Variants in LMNB2 observed in about 807,000 individuals in gnomAD.
LMNB2 encodes the protein lamin-B2.
LMNB2 carries 17 observed loss-of-function variants against 69.3 expected under a neutral mutation model. The observed-to-expected ratio is 0.25, with a 90% CI of 0.17 to 0.37. LMNB2 has a LOEUF of 0.37. LMNB2 is among the 10% of genes least tolerant of loss of function. LMNB2 has a pLI of 1.00. For synonymous variants in LMNB2, 397 were observed against 389.3 expected, an observed-to-expected ratio of 1.02 and a Z score of -0.23; for missense variants, 789 against 883.6, an observed-to-expected ratio of 0.89 and a Z score of 1.36.
In LMNB2 at chr19:2,430,444, A is replaced by T; in HGVS notation, c.*467T>A. The T allele has an allele frequency of 3.9e-6, 1 of 256,886 alleles. No individual in the cohort carries two copies. The highest frequency in any genetic ancestry group is 4.3e-5 in the South Asian group (1 of 23,306). The allele number at this position is 256,886 out of a possible 1,614,324, so 15.9% of individuals were successfully genotyped here. A position where few individuals can be genotyped will look rare whatever the true frequency, so the allele number is the denominator to read the frequency against. On this transcript the variant is annotated 3_prime_UTR_variant, in exon 12 of 12. Coordinates refer to ENST00000325327, the MANE Select transcript of LMNB2 (RefSeq NM_032737.4). ...CGCTGTCCGAAGCTGGGCAGCCAGA[A>T]TGCAGGCTTGGCCCCGGGCCCCACC... is the stretch of plus-strand genomic sequence containing the variant.
In LMNB2 at chr19:2,430,784, C is replaced by G. The variant is rs373147642; in HGVS notation, c.*127G>C. 37 of 778,232 alleles carry G rather than the reference C, an allele frequency of 4.8e-5. No individual in the cohort carries two copies. The highest frequency in any genetic ancestry group is 4.6e-4 in the East Asian group (18 of 39,270). The allele number at this position is 778,232 out of a possible 1,614,324, so 48.2% of individuals were successfully genotyped here. ...GGAGGGAGGGCTGGGGGAGACCCACCCACACGTTCTGGCAGTTCGCTTAGA... is the reference window on the plus strand; with the variant it reads ...GGAGGGAGGGCTGGGGGAGACCCACGCACACGTTCTGGCAGTTCGCTTAGA... On this transcript the variant is annotated 3_prime_UTR_variant, in exon 12 of 12. Transcript: ENST00000325327.
chr19:2,451,953 G>A (rs956361784), intron 1 of LMNB2, among the ~76,000 whole-genome samples: 5 of 151,824 alleles, frequency 3.3e-5, no homozygotes, highest in African/African-American at 1.2e-4. Context: ...AGAAGATGCC[G>A]AAGCCAGGTC....
Position 2,431,362 on chromosome 19 carries a change from C to T in LMNB2, c.1821+186G>A, listed in dbSNP as rs561275200. The stretch of plus-strand genomic sequence containing the variant: ...ATGTCGCAAATTCACACGATGGGCA[C>T]GACCCAGGAGGCAAGAACAGGTCTC... On this transcript the variant is annotated intron_variant, in intron 11 of 11. Transcript: ENST00000325327. Among the ~76,000 whole-genome samples the T allele has an allele frequency of 8.5e-5, 13 of 152,294 alleles. No homozygotes were observed. In the East Asian group the frequency reaches 2.1e-3, roughly 25 times the overall value.
At chr19:2,450,231 C>G (rs1972006256) in intron 1 of LMNB2, among the ~76,000 whole-genome samples, 1 of 152,048 alleles carries the variant, frequency 6.6e-6, no homozygotes, top group South Asian at 2.1e-4. Flanking sequence ...CACACCTGCC[C>G]AGCCCGCTCA....
chr19:2,448,951 G>A (rs1458972677), intron 1 of LMNB2, among the ~76,000 whole-genome samples: 1 of 152,156 alleles, frequency 6.6e-6, no homozygotes, highest in African/African-American at 2.4e-5. Flanking sequence ...GAGCAATGCC[G>A]CAATCACAGC....
At chr19:2,439,035 CTTTTTTTT>C (rs397945879) in intron 2 of LMNB2, among the ~76,000 whole-genome samples, 259 of 65,696 alleles carry the variant, frequency 3.9e-3, no homozygotes, top group Admixed American at 8.8e-3. Context: ...GGCACTTAAG[CTTTTTTTT>C]TTTTTTTTTT....
intron 1 of LMNB2, among the ~76,000 whole-genome samples, chr19:2,449,272 G>GT (rs1358875939): frequency 6.6e-6 from 1 of 152,176 alleles, no homozygotes; most frequent in African/African-American, 2.4e-5. Context: ...GGAGCGGGCG[G>GT]TGTGGGTCTG....
chr19:2,442,255 A>G (rs1032295274), intron 2 of LMNB2, among the ~76,000 whole-genome samples: 64 of 152,156 alleles, frequency 4.2e-4, no homozygotes, highest in Admixed American at 2.8e-3. Flanking sequence ...TGGGAGTTGA[A>G]GACCAGCTTG....
At chr19:2,456,538 C>G (rs969165919) in intron 1 of LMNB2, 132 bp downstream of exon 1, 10 of 1,014,594 alleles carry the variant, frequency 9.9e-6, no homozygotes, top group Non-Finnish European at 1.3e-5. Flanking sequence ...CCCCCGAAAC[C>G]CCGCGGAAAC....
chr19:2,441,888 A>C (rs548747837), intron 2 of LMNB2, among the ~76,000 whole-genome samples: 1 of 152,232 alleles, frequency 6.6e-6, no homozygotes, highest in Admixed American at 6.5e-5. Context: ...GGCAGGCTGC[A>C]GACCAGCTCA....
chr19:2,436,066 TGA>T (rs982743220), intron 4 of LMNB2, among the ~76,000 whole-genome samples: 30 of 152,174 alleles, frequency 2.0e-4, no homozygotes, highest in African/African-American at 4.3e-4. Flanking sequence ...AGGTGGATCA[TGA>T]GGTCAGAAGT....
At chr19:2,432,380 C>T in intron 9 of LMNB2, 36 bp downstream of exon 9, 1 of 1,361,878 alleles carries the variant, frequency 7.3e-7, no homozygotes, top group Non-Finnish European at 1.0e-6. Context: ...CACACCCCAT[C>T]CGTGGCCACC....
rs537182723 is a variant in LMNB2, at chr19:2,440,024, G to A, written c.402-1493C>T. 7.1e-4 allele frequency among the ~76,000 whole-genome samples: 108 copies of A among 151,680 alleles called. 1 individual carries two copies. Among genetic ancestry groups the A allele is most frequent in the Non-Finnish European group, 5.7e-4 (39 of 67,898 alleles). On this transcript the variant is annotated intron_variant, in intron 2 of 11. Coordinates refer to ENST00000325327, the MANE Select transcript of LMNB2 (RefSeq NM_032737.4). ...TGGGATTACAGGCGTGAACCACTGC[G>A]CCTGGTCCCCCAGGGCCTTTCAAAA...
At chr19:2,446,982 A>G (rs952754092) in intron 1 of LMNB2, among the ~76,000 whole-genome samples, 4 of 151,842 alleles carry the variant, frequency 2.6e-5, no homozygotes, top group Admixed American at 1.3e-4. Context: ...CTACTAAAAA[A>G]ACATACAAAA....
At chr19:2,445,522 C>T (rs1215772988) in intron 1 of LMNB2, among the ~76,000 whole-genome samples, 8 of 149,662 alleles carry the variant, frequency 5.3e-5, no homozygotes, top group Admixed American at 1.3e-4. Flanking sequence ...CCCAGCTCCC[C>T]ACCCCACCAG....
Position 2,442,201 on chromosome 19 carries a change from T to C in LMNB2, c.401+2203A>G, listed in dbSNP as rs1971907025. On this transcript the variant is annotated intron_variant, in intron 2 of 11. Coordinates refer to ENST00000325327, the MANE Select transcript of LMNB2 (RefSeq NM_032737.4). Reference sequence around the variant, plus strand: ...GGCTTGGCCCAGTGGCTCATACCTATACCCAGTGCTTTGGGAGGCTGAGGT... The same window carrying C: ...GGCTTGGCCCAGTGGCTCATACCTACACCCAGTGCTTTGGGAGGCTGAGGT... Among the ~76,000 whole-genome samples the C allele has an allele frequency of 2.6e-5, 4 of 152,166 alleles. No individual in the cohort carries two copies. The South Asian group carries it at 6.2e-4, about 24-fold the overall frequency.
At chr19:2,446,501 G>T (rs187710711) in intron 1 of LMNB2, among the ~76,000 whole-genome samples, 2 of 152,228 alleles carry the variant, frequency 1.3e-5, no homozygotes, top group Non-Finnish European at 2.9e-5. Context: ...GCCTCTGCAC[G>T]CGCCAGCTGG....
At chr19:2,449,653 T>A (rs1387604314) in intron 1 of LMNB2, among the ~76,000 whole-genome samples, 1 of 151,600 alleles carries the variant, frequency 6.6e-6, no homozygotes, top group South Asian at 2.1e-4. Context: ...GGTAGGCGCC[T>A]GTAATCCCAG....
In LMNB2 at chr19:2,447,251, C is replaced by T. The variant is rs956580521; in HGVS notation, c.265-2711G>A. 1.3e-5 allele frequency among the ~76,000 whole-genome samples: 2 copies of T among 152,168 alleles called. No individual in the cohort carries two copies. The highest frequency in any genetic ancestry group is 2.9e-5 in the Non-Finnish European group (2 of 68,032). On this transcript the variant is annotated intron_variant, in intron 1 of 11. Transcript: ENST00000325327. The surrounding 1 kb of genome is among the most constrained non-coding windows in gnomAD (Gnocchi z 4.4). ...ACAGGAACATGACCCAGCTGTGTAA[C>T]GGAGCAAGGTTCTGACACCACAGTG...
Sources: allele counts gnomAD v4.1 joint callset (sites outside exome capture counted in the v4.1 genomes callset), GRCh38; gene constraint gnomAD v4.1.1; non-coding constraint Gnocchi (gnomAD v3.1); transcripts MANE v1.5; gene names NCBI Gene and HGNC (gene_info 2026-07-23, HGNC 2026-07-21).